MTCL2: variants seen among roughly 807,000 people sequenced by gnomAD.
The protein encoded by MTCL2 is microtubule crosslinking factor 2, also known as microtubule cross-linking factor 2.
chr20:36,836,331 C>A, the MTCL2 span, among the ~76,000 whole-genome samples: 9 of 150,132 alleles, frequency 6.0e-5, no homozygotes, highest in Admixed American at 4.0e-4. Context: ...CTTGCCACCA[C>A]GCCCAGCTAA....
At chr20:36,836,850 AC>A in the MTCL2 span, among the ~76,000 whole-genome samples, 1 of 152,138 alleles carries the variant, frequency 6.6e-6, no homozygotes, top group African/African-American at 2.4e-5. Context: ...CCCATTGTGC[AC>A]CAACAAGACC....
At chr20:36,815,711 C>A in the MTCL2 span, 1 of 1,601,066 alleles carries the variant, frequency 6.2e-7, no homozygotes, top group Non-Finnish European at 8.5e-7. This position sits in a 1 kb window ranked among gnomAD's most constrained non-coding sequence, Gnocchi z 5.3. Context: ...CGATCTGCAG[C>A]TTGGCGGCCG....
the MTCL2 span, among the ~76,000 whole-genome samples, chr20:36,845,010 C>CAAAAAAA: frequency 7.9e-6 from 1 of 127,092 alleles, no homozygotes; most frequent in South Asian, 2.6e-4. Context: ...GATTCTGTCT[C>CAAAAAAA]AAAAAAAAAA....
chr20:36,861,334 C>A, the MTCL2 span, among the ~76,000 whole-genome samples: 2 of 152,164 alleles, frequency 1.3e-5, no homozygotes, highest in East Asian at 3.9e-4. Context: ...GGGAAGACAT[C>A]CTCCCATTTA....
At chr20:36,823,105 G>T in the MTCL2 span, among the ~76,000 whole-genome samples, 1 of 152,312 alleles carries the variant, frequency 6.6e-6, no homozygotes, top group Non-Finnish European at 1.5e-5. Flanking sequence ...GTACCTCAAA[G>T]ATTTAGGCAT....
chr20:36,801,324 AGGCCTCCATACTCTTGT>A, the MTCL2 span, among the ~76,000 whole-genome samples: 7 of 152,242 alleles, frequency 4.6e-5, no homozygotes, highest in East Asian at 1.9e-4. Context: ...TGAATAAGGA[AGGCCTCCATACTCTTGT>A]GAACAGCTCT....
the MTCL2 span, among the ~76,000 whole-genome samples, chr20:36,840,065 T>C: frequency 2.2e-3 from 329 of 152,306 alleles, 2 homozygotes; most frequent in South Asian, 3.5e-3. Flanking sequence ...GGTTTCACCA[T>C]GTTGGCCAGG....
chr20:36,861,632 G>T, the MTCL2 span, among the ~76,000 whole-genome samples: 3 of 152,342 alleles, frequency 2.0e-5, no homozygotes, highest in South Asian at 6.2e-4. Context: ...TGTTGTGCCA[G>T]GCCATCATCC....
At chr20:36,797,237 G>A in the MTCL2 span, among the ~76,000 whole-genome samples, 1 of 152,150 alleles carries the variant, frequency 6.6e-6, no homozygotes, top group African/African-American at 2.4e-5. Context: ...GCATCCAGTG[G>A]TCCACTGCTC....
chr20:36,794,475 C>T, the MTCL2 span: 144 of 1,613,906 alleles, frequency 8.9e-5, no homozygotes, highest in Non-Finnish European at 7.1e-5. The surrounding 1 kb of genome is among the most constrained non-coding windows in gnomAD (Gnocchi z 5.4). Flanking sequence ...TCCCCTGGCT[C>T]GGAGCTCACA....
the MTCL2 span, chr20:36,778,922 G>A: frequency 6.6e-6 from 1 of 152,230 alleles, no homozygotes; most frequent in East Asian, 1.9e-4. Flanking sequence ...GAGTGACAAG[G>A]CAGCCAGCCC....
At chr20:36,816,349 T>TGGGAGTCTC in the MTCL2 span, 1 of 1,505,000 alleles carries the variant, frequency 6.6e-7, no homozygotes, top group Non-Finnish European at 8.9e-7. Context: ...AGGTTAGTGC[T>TGGGAGTCTC]GGGAGTCTCA....
the MTCL2 span, among the ~76,000 whole-genome samples, chr20:36,853,705 GTGT>G: frequency 3.6e-4 from 4 of 11,072 alleles, no homozygotes; most frequent in South Asian, 2.8e-3. Flanking sequence ...AGGGAGGGGT[GTGT>G]GTGTGTGTGT....
chr20:36,816,067 G>A, the MTCL2 span: 1 of 1,613,486 alleles, frequency 6.2e-7, no homozygotes, highest in East Asian at 2.2e-5. Context: ...CGGCTCAGCA[G>A]GTTGGCTTCC....
chr20:36,812,063 G>A, the MTCL2 span, among the ~76,000 whole-genome samples: 1 of 152,132 alleles, frequency 6.6e-6, no homozygotes, highest in African/African-American at 2.4e-5. Flanking sequence ...CGTTACAGAT[G>A]GGGAAGCTGT....
At chr20:36,818,044 A>G in the MTCL2 span, among the ~76,000 whole-genome samples, 1 of 152,072 alleles carries the variant, frequency 6.6e-6, no homozygotes, top group Non-Finnish European at 1.5e-5. Flanking sequence ...TGGGTCCATG[A>G]CCCCTTGCCT....
At chr20:36,795,137 C>T in the MTCL2 span, among the ~76,000 whole-genome samples, 1 of 152,110 alleles carries the variant, frequency 6.6e-6, no homozygotes, top group Non-Finnish European at 1.5e-5. Flanking sequence ...CGGGGTTTCA[C>T]CATGTTGGCC....
chr20:36,825,729 T>G, the MTCL2 span, among the ~76,000 whole-genome samples: 11 of 152,126 alleles, frequency 7.2e-5, no homozygotes, highest in Admixed American at 6.6e-4. Context: ...GAAGAATTGC[T>G]CAGGGACCCT....
At chr20:36,852,228 C>G in the MTCL2 span, among the ~76,000 whole-genome samples, 36 of 152,330 alleles carry the variant, frequency 2.4e-4, no homozygotes, top group South Asian at 4.1e-4. Context: ...CTGCCCTGGC[C>G]ACCATGGTCC....
Sources: allele counts gnomAD v4.1 joint callset (sites outside exome capture counted in the v4.1 genomes callset), GRCh38; gene constraint gnomAD v4.1.1; non-coding constraint Gnocchi (gnomAD v3.1); transcripts MANE v1.5; gene names NCBI Gene and HGNC (gene_info 2026-07-23, HGNC 2026-07-21).